SKP2: variants seen among roughly 807,000 people sequenced by gnomAD.
SKP2 encodes S-phase kinase associated protein 2.
A neutral mutation model predicts 51.8 loss-of-function variants in SKP2; 16 were observed. That is an observed-to-expected ratio of 0.31 (90% confidence interval 0.21 to 0.47). The LOEUF (loss-of-function observed/expected upper bound fraction) is 0.47, where lower values mean the gene tolerates loss of function less well. Among genes scored for constraint, SKP2 ranks in the 20% least tolerant of loss-of-function variants. The pLI, the probability that SKP2 is intolerant of heterozygous loss-of-function variation, is 1.00. For missense variants in SKP2, 377 were observed against 505.3 expected (o/e 0.75, Z 2.43); for synonymous variants, 176 against 198.6 (o/e 0.89, Z 0.96).
In SKP2 at chr5:36,182,095, C is replaced by T. The variant is rs1745829993; in HGVS notation, c.*64C>T. The stretch of plus-strand genomic sequence containing the variant: ...GGAAAATAGGCAGGAAGCCCAATTG[C>T]TGGAGTACTTAGCTAGTTTTATTCT... On this transcript the variant is annotated 3_prime_UTR_variant, in exon 10 of 10. Transcript: ENST00000274255. The T allele has an allele frequency of 1.9e-6, 3 of 1,575,258 alleles. No individual in the cohort carries two copies. Among genetic ancestry groups the T allele is most frequent in the Admixed American group, 1.8e-5 (1 of 54,766 alleles).
Position 36,152,130 on chromosome 5 carries a change from T to C in SKP2, c.-133T>C. 1.1e-6 allele frequency: 1 copy of C among 909,244 alleles called. No individual in the cohort carries two copies. Among genetic ancestry groups the C allele is most frequent in the Non-Finnish European group, 1.8e-6 (1 of 554,410 alleles). 56.3% of individuals were successfully genotyped at this position (909,244 alleles called of 1,614,324 possible). ...GCGCGCAGTGGGGATGGAACGTTGCTAGGCTTAGCGGGTCTGGCTGCTGGG... is the reference window on the plus strand; with the variant it reads ...GCGCGCAGTGGGGATGGAACGTTGCCAGGCTTAGCGGGTCTGGCTGCTGGG... On this transcript the variant is annotated 5_prime_UTR_variant, in exon 1 of 10. An upstream open reading frame in the 5' UTR loses its in-frame stop. Transcript: ENST00000274255.
At chr5:36,165,815 A>G (rs1016171799) in intron 3 of SKP2, among the ~76,000 whole-genome samples, 2 of 152,202 alleles carry the variant, frequency 1.3e-5, no homozygotes, top group Non-Finnish European at 2.9e-5. Context: ...GAATTAAACT[A>G]TGGATATTAA....
chr5:36,152,397 C>A, intron 1 of SKP2, 127 bp downstream of exon 1: 1 of 953,686 alleles, frequency 1.0e-6, no homozygotes, highest in Non-Finnish European at 1.7e-6. Flanking sequence ...TTAGCCCCTT[C>A]TTGGGGAAAG....
intron 5 of SKP2, 139 bp downstream of exon 5, chr5:36,168,586 A>G: frequency 1.3e-6 from 1 of 768,840 alleles, no homozygotes; most frequent in East Asian, 2.6e-5. Context: ...AGCTTCTGCA[A>G]AACTTTTCAG....
intron 3 of SKP2, among the ~76,000 whole-genome samples, chr5:36,165,468 G>A (rs1745253977): frequency 6.6e-6 from 1 of 152,192 alleles, no homozygotes; most frequent in Non-Finnish European, 1.5e-5. Flanking sequence ...TTGCCTTCTT[G>A]CAAGAGGAAA....
downstream of SKP2, among the ~76,000 whole-genome samples, chr5:36,186,171 C>G (rs899198798): frequency 6.6e-6 from 1 of 152,194 alleles, no homozygotes; most frequent in African/African-American, 2.4e-5. Context: ...ATGGGGTTTT[C>G]TAAATATACA....
At chr5:36,167,414 C>A (rs1745321282) in intron 4 of SKP2, among the ~76,000 whole-genome samples, 1 of 152,162 alleles carries the variant, frequency 6.6e-6, no homozygotes, top group South Asian at 2.1e-4. Context: ...CGGTTCCTGG[C>A]TGCCACCTTT....
intron 7 of SKP2, among the ~76,000 whole-genome samples, chr5:36,175,316 G>A (rs549755058): frequency 4.6e-5 from 7 of 152,178 alleles, no homozygotes; most frequent in African/African-American, 1.7e-4. Context: ...ATTTGGGGGA[G>A]AAATTGAGTA....
intron 2 of SKP2, 118 bp downstream of exon 2, chr5:36,153,160 A>T: frequency 1.0e-6 from 1 of 972,470 alleles, no homozygotes; most frequent in Non-Finnish European, 1.5e-6. Context: ...CTAATTCTGA[A>T]GCTATTTTTC....
At chr5:36,153,824 A>G (rs1744848185) in intron 2 of SKP2, among the ~76,000 whole-genome samples, 1 of 152,178 alleles carries the variant, frequency 6.6e-6, no homozygotes, top group African/African-American at 2.4e-5. Context: ...TAGTTCCTCA[A>G]GCAGGCGAAC....
At chr5:36,177,474 A>C (rs62353841) in intron 9 of SKP2, 182 bp downstream of exon 9, 13,413 of 687,608 alleles carry the variant, frequency 0.02, 184 homozygotes, top group Non-Finnish European at 0.026. Flanking sequence ...GAGTTGATCC[A>C]GATTGTTCAC....
Position 36,190,683 on chromosome 5 carries a change from C to CAAAA in SKP2, c.633-1918_633-1915dup, listed in dbSNP as rs70973094. On this transcript the variant is annotated intron_variant, in intron 6 of 7. Transcript: ENST00000677886. ...AATGATGAAAAACGTCAAACATATG[C>CAAAA]AAAAAAAAAAAAAAAAAAAAAAAGA... is the stretch of plus-strand genomic sequence containing the variant. 3.7e-3 allele frequency among the ~76,000 whole-genome samples: 304 copies of CAAAA among 81,142 alleles called. 11 individuals are homozygous for CAAAA. The highest frequency in any genetic ancestry group is 0.015 in the African/African-American group (273 of 18,706). The allele number at this position is 81,142 out of a possible 152,430, so 53.2% of individuals were successfully genotyped here.
intron 3 of SKP2, 86 bp from the exon 4 acceptor site, chr5:36,166,433 A>G: frequency 9.1e-7 from 1 of 1,098,832 alleles, no homozygotes; most frequent in Non-Finnish European, 1.4e-6. Context: ...ATTTAGCAGC[A>G]GTGTCCTACC....
At chr5:36,171,440 G>A (rs1489995186) in intron 6 of SKP2, among the ~76,000 whole-genome samples, 163 bp from the exon 7 acceptor site, 2 of 152,186 alleles carry the variant, frequency 1.3e-5, no homozygotes, top group Non-Finnish European at 2.9e-5. Context: ...GGCAAACAGG[G>A]TATACTTAGG....
chr5:36,161,710 C>G (rs1044993209), intron 2 of SKP2, among the ~76,000 whole-genome samples: 1 of 152,166 alleles, frequency 6.6e-6, no homozygotes, highest in Non-Finnish European at 1.5e-5. Flanking sequence ...CTGCCCAGGG[C>G]AGCAGGTGTT....
Position 36,152,210 on chromosome 5 carries a change from G to A in SKP2, c.-53G>A, listed in dbSNP as rs991944973. ...GCGCCAAAGCGGGAATCTGGGAGGCGAGCAGCTCTGCAGTTAATGCACGTA... is the reference window on the plus strand; with the variant it reads ...GCGCCAAAGCGGGAATCTGGGAGGCAAGCAGCTCTGCAGTTAATGCACGTA... On this transcript the variant is annotated 5_prime_UTR_variant, in exon 1 of 10. Coordinates refer to ENST00000274255, the MANE Select transcript of SKP2 (RefSeq NM_005983.4). 7.5e-6 allele frequency: 12 copies of A among 1,607,022 alleles called. No individual in the cohort carries two copies. In the Admixed American group the frequency reaches 2.0e-4, roughly 27 times the overall value.
At chr5:36,165,937 C>T (rs1409035136) in intron 3 of SKP2, among the ~76,000 whole-genome samples, 1 of 152,166 alleles carries the variant, frequency 6.6e-6, no homozygotes, top group East Asian at 1.9e-4. Context: ...CATACACACA[C>T]ATATGTACAC....
Position 36,177,171 on chromosome 5 carries a change from T to C in SKP2, c.954-14T>C. ...GTGTGATTTTCAATATCTTTTCTTC[T>C]GCCTTCTTAACAGTGATAGTGTCAT... On this transcript the variant is annotated splice_polypyrimidine_tract_variant and intron_variant, in intron 8 of 9. Transcript: ENST00000274255. 6.4e-7 allele frequency: 1 copy of C among 1,550,842 alleles called. No homozygotes were observed. Among genetic ancestry groups the C allele is most frequent in the Non-Finnish European group, 8.9e-7 (1 of 1,123,168 alleles).
At chr5:36,153,679 C>T (rs3804449) in intron 2 of SKP2, among the ~76,000 whole-genome samples, 52,472 of 152,062 alleles carry the variant, frequency 0.35, 10,325 homozygotes, top group Non-Finnish European at 0.44. Context: ...AAGTTCTCGT[C>T]GTCTCTTGCC....
Sources: gnomAD v4.1 joint callset for allele counts (sites outside exome capture counted in the v4.1 genomes callset) on GRCh38, gnomAD v4.1.1 for gene constraint, MANE v1.5 for transcripts, NCBI Gene and HGNC (gene_info 2026-07-23, HGNC 2026-07-21) for gene names.